The following PCDH9 variants were observed in gnomAD, a reference collection of about 807,000 sequenced individuals.
The protein encoded by PCDH9 is protocadherin 9.
A neutral mutation model predicts 70.6 loss-of-function variants in PCDH9; 24 were observed. The observed-to-expected ratio is 0.34, with a 90% CI of 0.25 to 0.48. The LOEUF (loss-of-function observed/expected upper bound fraction) is 0.48. Ranked by LOEUF, PCDH9 falls within the 20% of genes least tolerant of loss-of-function variation. PCDH9 has a pLI of 0.99. For missense variants in PCDH9, 1,281 were observed against 1,503.6 expected (o/e 0.85, Z 2.45); for synonymous variants, 562 against 558.5 (o/e 1.01, Z -0.09).
chr13:66,884,731 AG>A (rs1223048042), intron 3 of PCDH9, among the ~76,000 whole-genome samples: 1 of 152,224 alleles, frequency 6.6e-6, no homozygotes. Flanking sequence ...AGAAAAGGAA[AG>A]AAAGAAGATA....
intron 4 of PCDH9, among the ~76,000 whole-genome samples, chr13:66,596,797 A>T (rs1407486152): frequency 6.9e-6 from 1 of 145,380 alleles, no homozygotes; most frequent in Non-Finnish European, 1.5e-5. Flanking sequence ...TCCCCAATTA[A>T]CCTCTTTTAT....
chr13:67,196,511 G>C (rs2089068468), intron 2 of PCDH9, among the ~76,000 whole-genome samples: 1 of 152,084 alleles, frequency 6.6e-6, no homozygotes, highest in African/African-American at 2.4e-5. Context: ...AGTTTGAAAT[G>C]TCTTTGATCA....
intron 3 of PCDH9, among the ~76,000 whole-genome samples, chr13:66,735,783 G>C (rs1010183119): frequency 6.6e-6 from 1 of 152,090 alleles, no homozygotes; most frequent in Non-Finnish European, 1.5e-5. Context: ...GGCCAACATG[G>C]TGAAACCTTG....
intron 2 of PCDH9, among the ~76,000 whole-genome samples, chr13:67,153,421 T>G (rs558678408): frequency 1.8e-4 from 28 of 152,282 alleles, no homozygotes; most frequent in Admixed American, 1.2e-3. Flanking sequence ...CCTCCCACCT[T>G]GGCTTCCCAA....
At chr13:66,451,698 C>T (rs548146324) in intron 4 of PCDH9, among the ~76,000 whole-genome samples, 73 of 152,146 alleles carry the variant, frequency 4.8e-4, no homozygotes, top group Non-Finnish European at 6.0e-4. Flanking sequence ...AAATGAAACA[C>T]GCAGGACTAA....
chr13:66,409,314 TTGCTGTATTTCAAA>T (rs1957333165), intron 4 of PCDH9, among the ~76,000 whole-genome samples: 2 of 152,236 alleles, frequency 1.3e-5, no homozygotes, highest in Non-Finnish European at 2.9e-5. Context: ...ATTTCTGTAT[TTGCTGTATTTCAAA>T]TGCTAGATTT....
intron 4 of PCDH9, among the ~76,000 whole-genome samples, chr13:66,413,065 A>G (rs1373281754): frequency 6.6e-6 from 1 of 152,210 alleles, no homozygotes; most frequent in Non-Finnish European, 1.5e-5. Context: ...CTGCTCGTTG[A>G]CACCTACACG....
chr13:66,531,342 G>A (rs948392919), intron 4 of PCDH9, among the ~76,000 whole-genome samples: 2 of 151,946 alleles, frequency 1.3e-5, no homozygotes, highest in Admixed American at 6.6e-5. Flanking sequence ...CTTTATCCCC[G>A]CTTAATCACA....
intron 4 of PCDH9, among the ~76,000 whole-genome samples, chr13:66,560,399 G>A (rs1340764860): frequency 1.3e-5 from 2 of 152,036 alleles, no homozygotes; most frequent in Non-Finnish European, 1.5e-5. Flanking sequence ...CAGTGGCCCT[G>A]AGGGACCAAC....
chr13:66,841,995 G>A (rs1431051125), intron 3 of PCDH9, among the ~76,000 whole-genome samples: 3 of 152,154 alleles, frequency 2.0e-5, no homozygotes, highest in African/African-American at 7.2e-5. Flanking sequence ...GTGAGGATGA[G>A]GGGAGGGAGA....
At chr13:66,790,580 T>G (rs1370743973) in intron 3 of PCDH9, among the ~76,000 whole-genome samples, 2 of 152,116 alleles carry the variant, frequency 1.3e-5, no homozygotes, top group African/African-American at 4.8e-5. Flanking sequence ...CATCTATAAT[T>G]GATTTTGTGT....
chr13:66,752,483 G>T (rs763597723), intron 3 of PCDH9, among the ~76,000 whole-genome samples: 1 of 152,060 alleles, frequency 6.6e-6, no homozygotes, highest in Non-Finnish European at 1.5e-5. Context: ...TTTTTGTAGA[G>T]ACAGGGTTTC....
chr13:66,647,365 T>C (rs2077785797), intron 3 of PCDH9, among the ~76,000 whole-genome samples: 1 of 151,980 alleles, frequency 6.6e-6, no homozygotes, highest in African/African-American at 2.4e-5. Context: ...TCAACCATAG[T>C]AGGATAGAGC....
chr13:67,066,469 G>A (rs1245533448), intron 2 of PCDH9, among the ~76,000 whole-genome samples: 3 of 152,072 alleles, frequency 2.0e-5, no homozygotes, highest in East Asian at 3.9e-4. Flanking sequence ...CCTGACCTCA[G>A]GTGATTTGCC....
intron 4 of PCDH9, among the ~76,000 whole-genome samples, chr13:66,359,623 T>C (rs1956436166): frequency 6.6e-6 from 1 of 152,046 alleles, no homozygotes; most frequent in Admixed American, 6.6e-5. Flanking sequence ...TGAATTACAT[T>C]CTAGGAGAAA....
At chr13:67,135,490 T>G (rs2087212484) in intron 2 of PCDH9, among the ~76,000 whole-genome samples, 1 of 152,128 alleles carries the variant, frequency 6.6e-6, no homozygotes, top group Non-Finnish European at 1.5e-5. Flanking sequence ...ATTCCTCACT[T>G]TGATTCACAT....
intron 4 of PCDH9, among the ~76,000 whole-genome samples, chr13:66,481,949 C>CAT (rs1958847750): frequency 6.6e-6 from 1 of 151,972 alleles, no homozygotes; most frequent in South Asian, 2.1e-4. Flanking sequence ...CACGCACACA[C>CAT]ACACACACAC....
chr13:66,697,820 T>C (rs1474438910), intron 3 of PCDH9, among the ~76,000 whole-genome samples: 2 of 152,224 alleles, frequency 1.3e-5, no homozygotes, highest in Admixed American at 1.3e-4. Flanking sequence ...TAGCTATTTG[T>C]ATACTACTGT....
At chr13:66,655,771 CA>C (rs1566485281) in intron 3 of PCDH9, among the ~76,000 whole-genome samples, 1 of 152,162 alleles carries the variant, frequency 6.6e-6, no homozygotes, top group South Asian at 2.1e-4. Flanking sequence ...TTGCTTAAAT[CA>C]AAAAACATCC....
Sources: gnomAD v4.1 joint callset for allele counts (sites outside exome capture counted in the v4.1 genomes callset) on GRCh38, gnomAD v4.1.1 for gene constraint, MANE v1.5 for transcripts, NCBI Gene and HGNC (gene_info 2026-07-23, HGNC 2026-07-21) for gene names.